PIBF1: variants seen among roughly 807,000 people sequenced by gnomAD.
PIBF1 encodes progesterone-induced-blocking factor 1.
PIBF1 carries 90 observed loss-of-function variants against 112.5 expected under a neutral mutation model. The ratio of observed to expected loss-of-function variants is 0.80; its 90% confidence interval spans 0.67 to 0.95. The LOEUF (loss-of-function observed/expected upper bound fraction) is 0.95. Among genes scored for constraint, PIBF1 ranks in the 40% least tolerant of loss-of-function variants. The pLI, the probability that PIBF1 is intolerant of heterozygous loss-of-function variation, is 0.00. For missense variants in PIBF1, 915 were observed against 852.3 expected (o/e 1.07, Z -0.92); for synonymous variants, 301 against 288.6 (o/e 1.04, Z -0.44).
At chr13:72,828,386 C>T (rs1352546532) in intron 8 of PIBF1, among the ~76,000 whole-genome samples, 2 of 151,690 alleles carry the variant, frequency 1.3e-5, no homozygotes, top group Non-Finnish European at 2.9e-5. Flanking sequence ...ATCAACCCGT[C>T]ACCTACATTA....
intron 5 of PIBF1, among the ~76,000 whole-genome samples, chr13:72,806,887 A>G (rs892236922): frequency 6.6e-6 from 1 of 152,020 alleles, no homozygotes; most frequent in African/African-American, 2.4e-5. Context: ...CAGTAATGGA[A>G]TTGCTGGGTC....
At position 73,015,885 on chromosome 13, in the gene PIBF1, C is replaced by G; in HGVS notation, c.2240C>G (p.Pro747Arg). The change falls in exon 18 of 18, where the codon CCT becomes CGT. Residue 747 changes from proline to arginine, a missense_variant. By Grantham distance (103) the Pro-to-Arg change is moderately radical. Transcript: ENST00000326291. ...KPTLFTKKEA[P>R]EWSKKQKMKT ...TTTAAACAGACTAAAAAAGAAGCAC[C>G]TGAGTGGTCTAAGAAACAAAAGATG... 1.3e-6 allele frequency: 2 copies of G among 1,585,998 alleles called. No homozygotes were observed. Among genetic ancestry groups the G allele is most frequent in the Non-Finnish European group, 8.6e-7 (1 of 1,164,490 alleles).
intron 16 of PIBF1, among the ~76,000 whole-genome samples, chr13:72,987,556 C>T (rs1331192176): frequency 6.6e-6 from 1 of 151,820 alleles, no homozygotes; most frequent in African/African-American, 2.4e-5. Flanking sequence ...ATAGCTTTGA[C>T]CCCAGAAAGG....
chr13:72,897,205 A>T (rs968940585), intron 11 of PIBF1, among the ~76,000 whole-genome samples: 1 of 152,242 alleles, frequency 6.6e-6, no homozygotes, highest in African/African-American at 2.4e-5. Context: ...GAAACTAAGC[A>T]TCATAAATAA....
chr13:72,837,036 A>G (rs2037391963), intron 9 of PIBF1, among the ~76,000 whole-genome samples: 2 of 151,996 alleles, frequency 1.3e-5, no homozygotes. Context: ...ATTATGTCAT[A>G]TTTATAATCT....
intron 10 of PIBF1, among the ~76,000 whole-genome samples, chr13:72,869,494 AT>A: frequency 6.6e-6 from 1 of 151,384 alleles, no homozygotes; most frequent in Non-Finnish European, 1.5e-5. Context: ...AAGGGATAGC[AT>A]TAGGAGATAT....
chr13:73,011,416 C>T lies in PIBF1; in HGVS notation c.2224-4453C>T, dbSNP rs141939071. ...AAATATTGGGAGAAAAATCCCCTTC[C>T]GTTTCCAGCAGTGGGAGGGAAAAAA... On this transcript the variant is annotated intron_variant, in intron 17 of 17. Coordinates refer to ENST00000326291, the MANE Select transcript of PIBF1 (RefSeq NM_006346.4). Among the ~76,000 whole-genome samples, 82 of 150,786 alleles carry T rather than the reference C, an allele frequency of 5.4e-4. No homozygotes were observed. In the East Asian group the frequency reaches 8.9e-3, roughly 16 times the overall value.
At chr13:72,991,364 T>C (rs1419180787) in intron 16 of PIBF1, among the ~76,000 whole-genome samples, 1 of 152,218 alleles carries the variant, frequency 6.6e-6, no homozygotes, top group East Asian at 1.9e-4. Context: ...ATTATTATAC[T>C]GCAACATAGT....
intron 17 of PIBF1, among the ~76,000 whole-genome samples, chr13:73,004,207 T>C (rs1480834728): frequency 6.6e-6 from 1 of 151,972 alleles, no homozygotes. Context: ...AAATATGATA[T>C]TGGCCAGGCG....
chr13:72,807,819 C>A (rs2035811081), intron 5 of PIBF1, among the ~76,000 whole-genome samples: 1 of 152,092 alleles, frequency 6.6e-6, no homozygotes. Flanking sequence ...TAATTTTTTG[C>A]CATTTTATTA....
chr13:72,891,873 A>C (rs895841023), intron 10 of PIBF1, among the ~76,000 whole-genome samples: 3 of 152,198 alleles, frequency 2.0e-5, no homozygotes, highest in African/African-American at 7.2e-5. Flanking sequence ...TTATTCGGTT[A>C]TAAAAAGTAA....
rs200849479 is a variant in PIBF1 at position 72,975,936 on chromosome 13, A to AT, written c.2049+2270dup. ...TACATTTTTTTAAAGCTAGATATTA[A>AT]TTTTTTTTTCAGAATGGCAATTCTC... is the stretch of plus-strand genomic sequence containing the variant. On this transcript the variant is annotated intron_variant, in intron 16 of 17. Coordinates refer to ENST00000326291, the MANE Select transcript of PIBF1 (RefSeq NM_006346.4). 8.6e-3 allele frequency among the ~76,000 whole-genome samples: 1,309 copies of AT among 151,524 alleles called. 64 individuals are homozygous for AT. Among genetic ancestry groups the AT allele is most frequent in the East Asian group, 9.7e-3 (50 of 5,158 alleles).
Position 72,782,346 on chromosome 13 carries a change from C to A in PIBF1, c.-51C>A, listed in dbSNP as rs145639527. On this transcript the variant is annotated 5_prime_UTR_variant, in exon 1 of 18. Coordinates refer to ENST00000326291, the MANE Select transcript of PIBF1 (RefSeq NM_006346.4). The stretch of plus-strand genomic sequence containing the variant: ...TTCAGTGTGGAGTAATTGACACTTT[C>A]GAGGTAACTTGCGACTATCATCGCT... The A allele has an allele frequency of 6.5e-6, 1 of 153,222 alleles. No homozygotes were observed. The highest frequency in any genetic ancestry group is 6.5e-5 in the Admixed American group (1 of 15,308). 9.5% of individuals were successfully genotyped at this position (153,222 alleles called of 1,614,324 possible).
chr13:72,799,186 G>A lies in PIBF1; in HGVS notation c.672+1160G>A, dbSNP rs193187259. Among the ~76,000 whole-genome samples the A allele has an allele frequency of 1.2e-3, 182 of 152,212 alleles. 2 individuals are homozygous for A. The highest frequency in any genetic ancestry group is 2.4e-3 in the Non-Finnish European group (163 of 68,012). On this transcript the variant is annotated intron_variant, in intron 5 of 17. Coordinates refer to ENST00000326291, the MANE Select transcript of PIBF1 (RefSeq NM_006346.4). ...ATACTGTTTGTTCATTTATTTAATT[G>A]CATTGCCTATATTTCTGTTTCAGAG...
At chr13:72,998,736 A>T in intron 16 of PIBF1, 86 bp from the exon 17 acceptor site, 2 of 848,252 alleles carry the variant, frequency 2.4e-6, no homozygotes, top group Non-Finnish European at 3.7e-6. Flanking sequence ...TGTTTCTTCT[A>T]CTTAAAAATA....
At chr13:72,964,456 C>T (rs2042686323) in intron 14 of PIBF1, among the ~76,000 whole-genome samples, 1 of 152,140 alleles carries the variant, frequency 6.6e-6, no homozygotes, top group African/African-American at 2.4e-5. Flanking sequence ...CTGAATTGTA[C>T]ACTTTTCACA....
Position 72,987,858 on chromosome 13 carries a change from A to ATTTTTTTTTT in PIBF1, c.2050-10950_2050-10941dup, listed in dbSNP as rs55999445. On this transcript the variant is annotated intron_variant, in intron 16 of 17. Transcript: ENST00000326291. ...TTGTAATTTATTTATTTATTTATTTATTTTTTTTTTTTTTTTTTTTTTTGA... is the reference window on the plus strand; with the variant it reads ...TTGTAATTTATTTATTTATTTATTTATTTTTTTTTTTTTTTTTTTTTTTTTTTTTTTTTGA... Among the ~76,000 whole-genome samples, 17 of 58,110 alleles carry ATTTTTTTTTT rather than the reference A, an allele frequency of 2.9e-4. 1 individual carries two copies. The highest frequency in any genetic ancestry group is 1.2e-3 in the African/African-American group (13 of 10,716). 38.1% of individuals were successfully genotyped at this position (58,110 alleles called of 152,430 possible).
intron 14 of PIBF1, 83 bp from the exon 15 acceptor site, chr13:72,965,191 A>G (rs1279048310): frequency 1.7e-6 from 2 of 1,196,096 alleles, no homozygotes; most frequent in African/African-American, 3.0e-5. Context: ...GAATTTCTGT[A>G]CTATATTTGT....
At chr13:72,798,109 AAGTC>A in intron 5 of PIBF1, 83 bp downstream of exon 5, 3 of 1,414,218 alleles carry the variant, frequency 2.1e-6, no homozygotes, top group Non-Finnish European at 2.8e-6. Context: ...AGGCATATAA[AAGTC>A]AGTGATTGAA....
Sources: gnomAD v4.1 joint callset for allele counts (sites outside exome capture counted in the v4.1 genomes callset) on GRCh38, gnomAD v4.1.1 for gene constraint, MANE v1.5 for transcripts, NCBI Gene and HGNC (gene_info 2026-07-23, HGNC 2026-07-21) for gene names.